The following TM4SF18 variants were observed in gnomAD, a reference collection of about 807,000 sequenced individuals.
TM4SF18 encodes transmembrane 4 L six family member 18.
Under a neutral mutation model 23.8 loss-of-function variants are expected in TM4SF18, and 22 were observed. The observed-to-expected ratio is 0.92, with a 90% CI of 0.66 to 1.32. The LOEUF (loss-of-function observed/expected upper bound fraction) is 1.32, where lower values mean the gene tolerates loss of function less well. TM4SF18 is among the 40% of genes most tolerant of loss of function. The probability of loss-of-function intolerance (pLI) is 0.00; values close to 1 mark genes in which losing one functional copy is unlikely to be tolerated. For missense variants in TM4SF18, 255 were observed against 240.3 expected, an observed-to-expected ratio of 1.06 and a Z score of -0.41; for synonymous variants, 87 against 87.9, an observed-to-expected ratio of 0.99 and a Z score of 0.06.
chr3:149,328,532 C>G (rs1429670433), intron 3 of TM4SF18, among the ~76,000 whole-genome samples: 1 of 152,168 alleles, frequency 6.6e-6, no homozygotes, highest in Admixed American at 6.5e-5. Flanking sequence ...GATGCAGATT[C>G]AGTTTTTCCC....
At position 149,333,241 on chromosome 3, in the gene TM4SF18, A is replaced by G. The variant is rs1025193781; in HGVS notation, c.142T>C (p.Trp48Arg). The change falls in exon 2 of 6, where the codon TGG becomes CGG. Residue 48 changes from tryptophan (W) to arginine (R), a missense_variant. By Grantham distance (101) the Trp-to-Arg change is moderately radical. Coordinates refer to ENST00000296059, the MANE Select transcript of TM4SF18 (RefSeq NM_138786.4). The part of the protein sequence containing the change: ...ASSNKLTNYV[W>R]YFEGICFSGI... Reference sequence around the variant, plus strand: ...GAGAAACAGATTCCTTCAAAATACCACACGTAGTTGGTGAGTTTATTGCTG... The same window carrying G: ...GAGAAACAGATTCCTTCAAAATACCGCACGTAGTTGGTGAGTTTATTGCTG... The G allele has an allele frequency of 1.2e-6, 2 of 1,612,946 alleles. No individual in the cohort carries two copies. The highest frequency in any genetic ancestry group is 1.7e-6 in the Non-Finnish European group (2 of 1,179,530).
intron 3 of TM4SF18, among the ~76,000 whole-genome samples, chr3:149,328,516 C>G (rs1398972065): frequency 6.6e-6 from 1 of 152,186 alleles, no homozygotes; most frequent in East Asian, 1.9e-4. Flanking sequence ...TTGGAAGTTA[C>G]AAACTGATGC....
At chr3:149,324,295 C>T (rs1730883169) in intron 4 of TM4SF18, among the ~76,000 whole-genome samples, 1 of 152,168 alleles carries the variant, frequency 6.6e-6, no homozygotes, top group African/African-American at 2.4e-5. Flanking sequence ...TCTTTAGACC[C>T]TTCTCCAGTA....
chr3:149,329,156 T>TCA (rs33985529), intron 3 of TM4SF18, among the ~76,000 whole-genome samples: 31,820 of 142,002 alleles, frequency 0.22, 3,395 homozygotes, highest in East Asian at 0.35. Flanking sequence ...AGTCAACTGG[T>TCA]CACACACACA....
chr3:149,325,123 A>C, intron 3 of TM4SF18, 101 bp from the exon 4 acceptor site: 7 of 1,177,356 alleles, frequency 5.9e-6, no homozygotes, highest in Non-Finnish European at 7.3e-6. Context: ...ACCCAAGCTC[A>C]TGCAGTCTAT....
rs1559990614 is a variant in TM4SF18, at chr3:149,324,976, CCAGAAAAAGCAAT to C, written c.301_313del (p.Ile101AspfsTer62). 5 of 1,614,044 alleles carry C rather than the reference CCAGAAAAAGCAAT, an allele frequency of 3.1e-6. No individual in the cohort carries two copies. The highest frequency in any genetic ancestry group is 4.2e-6 in the Non-Finnish European group (5 of 1,180,006). Reference sequence around the variant, plus strand: ...CAAGGCAGAGATGACCAGGCAGTATCCAGAAAAAGCAATTCCGAGGGAAGAAAAGATAATTGAC... The same window carrying C: ...CAAGGCAGAGATGACCAGGCAGTATCTCCGAGGGAAGAAAAGATAATTGAC... On this transcript the variant is annotated frameshift_variant, in exon 4 of 6. Transcript: ENST00000296059. LOFTEE classifies it high-confidence loss of function.
intron 3 of TM4SF18, among the ~76,000 whole-genome samples, chr3:149,328,376 A>T (rs909477141): frequency 6.6e-6 from 1 of 152,186 alleles, no homozygotes; most frequent in African/African-American, 2.4e-5. Context: ...ATCATAACTT[A>T]GTCACTTCCA....
At chr3:149,327,266 A>G (rs539587682) in intron 3 of TM4SF18, among the ~76,000 whole-genome samples, 5 of 152,282 alleles carry the variant, frequency 3.3e-5, no homozygotes, top group African/African-American at 1.2e-4. Context: ...TATTTTTTAA[A>G]CAAGTCTTGT....
At chr3:149,330,605 C>T (rs969782434) in intron 2 of TM4SF18, among the ~76,000 whole-genome samples, 186 bp from the exon 3 acceptor site, 1 of 152,062 alleles carries the variant, frequency 6.6e-6, no homozygotes, top group African/African-American at 2.4e-5. Context: ...ATCAAGAGAT[C>T]GTCACGAGGT....
intron 5 of TM4SF18, 100 bp from the exon 6 acceptor site, chr3:149,321,592 A>T: frequency 1.4e-6 from 1 of 723,644 alleles, no homozygotes; most frequent in Non-Finnish European, 2.3e-6. Flanking sequence ...TTTCATATTC[A>T]AAATATGATA....
At chr3:149,326,667 T>C (rs568790718) in intron 3 of TM4SF18, among the ~76,000 whole-genome samples, 3 of 152,338 alleles carry the variant, frequency 2.0e-5, no homozygotes, top group African/African-American at 7.2e-5. Context: ...ACAGAACAAC[T>C]TCCATTTCCC....
chr3:149,322,691 A>G (rs1204991115), intron 4 of TM4SF18, among the ~76,000 whole-genome samples: 2 of 151,088 alleles, frequency 1.3e-5, no homozygotes, highest in South Asian at 2.1e-4. Context: ...TCCCTCTTCC[A>G]TTTCTTTCCT....
intron 3 of TM4SF18, among the ~76,000 whole-genome samples, chr3:149,326,135 T>C (rs958332273): frequency 6.6e-6 from 1 of 152,214 alleles, no homozygotes; most frequent in Non-Finnish European, 1.5e-5. Flanking sequence ...TTTGTAACTT[T>C]TAAATTTTTT....
chr3:149,322,206 G>C, intron 5 of TM4SF18, 50 bp downstream of exon 5: 9 of 1,500,956 alleles, frequency 6.0e-6, no homozygotes, highest in Non-Finnish European at 5.5e-6. Flanking sequence ...TGAATCCTGG[G>C]AAGTGGGGGA....
At chr3:149,324,083 A>G (rs1443071949) in intron 4 of TM4SF18, among the ~76,000 whole-genome samples, 2 of 152,178 alleles carry the variant, frequency 1.3e-5, no homozygotes, top group Non-Finnish European at 2.9e-5. Context: ...CCCCCAGTGA[A>G]TGGTACAGAC....
intron 3 of TM4SF18, among the ~76,000 whole-genome samples, chr3:149,327,964 G>C (rs189084524): frequency 5.9e-5 from 9 of 152,256 alleles, no homozygotes; most frequent in Non-Finnish European, 1.0e-4. Context: ...TGTAGATGAT[G>C]TAGACAGGAA....
chr3:149,323,896 T>C (rs575615652), intron 4 of TM4SF18, among the ~76,000 whole-genome samples: 20 of 152,232 alleles, frequency 1.3e-4, no homozygotes, highest in African/African-American at 4.6e-4. Flanking sequence ...GGGAGAGTCA[T>C]GTTTGCTAAG....
chr3:149,333,056 T>G, intron 2 of TM4SF18, 150 bp downstream of exon 2: 1 of 732,314 alleles, frequency 1.4e-6, no homozygotes, highest in Non-Finnish European at 2.2e-6. Flanking sequence ...TGCCAGCAGA[T>G]TACCTGCCCC....
intron 3 of TM4SF18, among the ~76,000 whole-genome samples, chr3:149,325,413 T>G (rs1248396274): frequency 6.6e-6 from 1 of 152,186 alleles, no homozygotes; most frequent in Admixed American, 6.5e-5. Context: ...CTATGACCTC[T>G]GCTTTCCTCT....
Sources: allele counts gnomAD v4.1 joint callset (sites outside exome capture counted in the v4.1 genomes callset), GRCh38; gene constraint gnomAD v4.1.1; transcripts MANE v1.5; gene names NCBI Gene and HGNC (gene_info 2026-07-23, HGNC 2026-07-21).